The following PLCD3 variants were observed in gnomAD, a reference collection of about 807,000 sequenced individuals.
PLCD3 encodes the protein phospholipase C delta 3.
A neutral mutation model predicts 82.8 loss-of-function variants in PLCD3; 62 were observed. The observed-to-expected ratio is 0.75, with a 90% CI of 0.61 to 0.93. The LOEUF is 0.93. Among genes scored for constraint, PLCD3 ranks in the 40% least tolerant of loss-of-function variants. The pLI is 0.00. For missense variants in PLCD3, 1,023 were observed against 1,103.4 expected (o/e 0.93, Z 1.03); for synonymous variants, 478 against 471.8 (o/e 1.01, Z -0.17).
In PLCD3 at chr17:45,127,944, T is replaced by C. The variant is rs565823942; in HGVS notation, c.163+4304A>G. Among the ~76,000 whole-genome samples, 532 of 152,174 alleles carry C rather than the reference T, an allele frequency of 3.5e-3. 3 individuals carry two copies. Among genetic ancestry groups the C allele is most frequent in the Middle Eastern group, 0.01 (3 of 294 alleles). ...CAGGAATGCGAGTCATGCAGGGAACTGCTACAGCCAGCAGCTGTGGCCAAG... is the reference window on the plus strand; with the variant it reads ...CAGGAATGCGAGTCATGCAGGGAACCGCTACAGCCAGCAGCTGTGGCCAAG... On this transcript the variant is annotated intron_variant, in intron 1 of 14. Coordinates refer to ENST00000619929, the MANE Select transcript of PLCD3 (RefSeq NM_133373.5).
In PLCD3 at chr17:45,118,212, G is replaced by A. The variant is rs2054306358; in HGVS notation, c.1116-74C>T. The stretch of plus-strand genomic sequence containing the variant: ...CAGAGCAGGGCAGCAGGCAGGCTGG[G>A]CCAGGAAGGCCCCAGGAAGCCAGCC... On this transcript the variant is annotated intron_variant, in intron 6 of 14. Coordinates refer to ENST00000619929, the MANE Select transcript of PLCD3 (RefSeq NM_133373.5). This position sits in a 1 kb window ranked among gnomAD's most constrained non-coding sequence, Gnocchi z 4.1. 3.1e-6 allele frequency: 5 copies of A among 1,611,120 alleles called. No homozygotes were observed. The highest frequency in any genetic ancestry group is 1.7e-4 in the Middle Eastern group (1 of 6,028).
At chr17:45,124,073 C>G in intron 1 of PLCD3, among the ~76,000 whole-genome samples, 1 of 152,012 alleles carries the variant, frequency 6.6e-6, no homozygotes, top group Non-Finnish European at 1.5e-5. Flanking sequence ...TCCTACACCC[C>G]CTTGGCCATG....
At position 45,115,660 on chromosome 17, in the gene PLCD3, G is replaced by A. The variant is rs548045481; in HGVS notation, c.1414-170C>T. On this transcript the variant is annotated intron_variant, in intron 8 of 14. Transcript: ENST00000619929. ...AATAGGAAAGAGTGGAGAATGGCCC[G>A]GGAGGCCATCAGGAAGGGATGCTTA... The A allele has an allele frequency of 5.6e-4, 349 of 625,376 alleles. 1 individual carries two copies. Among genetic ancestry groups the A allele is most frequent in the Admixed American group, 1.8e-3 (62 of 34,924 alleles). 38.7% of individuals were successfully genotyped at this position (625,376 alleles called of 1,614,324 possible).
In PLCD3 at chr17:45,112,490, G is replaced by T; in HGVS notation, c.*126C>A. On this transcript the variant is annotated 3_prime_UTR_variant, in exon 15 of 15. Coordinates refer to ENST00000619929, the MANE Select transcript of PLCD3 (RefSeq NM_133373.5). The stretch of plus-strand genomic sequence containing the variant: ...GGTGAGACCAGCGCCTGGTGAATGG[G>T]CTGAGTGGGCCAAGTGGGTGGGCTG... The T allele has an allele frequency of 9.4e-7, 1 of 1,059,300 alleles. No individual in the cohort carries two copies. Among genetic ancestry groups the T allele is most frequent in the East Asian group, 2.6e-5 (1 of 38,584 alleles). The allele number at this position is 1,059,300 out of a possible 1,614,324, so 65.6% of individuals were successfully genotyped here. A position where few individuals can be genotyped will look rare whatever the true frequency, so the allele number is the denominator to read the frequency against.
chr17:45,119,474 A>G (rs953033786), intron 4 of PLCD3, among the ~76,000 whole-genome samples: 8 of 152,142 alleles, frequency 5.3e-5, no homozygotes, highest in African/African-American at 1.9e-4. Context: ...GGCTTCAAGC[A>G]ATCCTCCCGC....
rs372774673 is a variant in PLCD3 at position 45,118,812 on chromosome 17, C to T, written c.913+3G>A. ...CACGACCTGGCCGTGCCACCCCCCC[C>T]ACCTGTCTCGTTGAGCTCATAGGTC... On this transcript the variant is annotated splice_donor_region_variant and intron_variant, in intron 5 of 14. Transcript: ENST00000619929. The surrounding 1 kb of genome is among the most constrained non-coding windows in gnomAD (Gnocchi z 4.1). The T allele has an allele frequency of 2.5e-6, 4 of 1,598,532 alleles. No homozygotes were observed. Among genetic ancestry groups the T allele is most frequent in the African/African-American group, 1.3e-5 (1 of 74,658 alleles).
At position 45,132,325 on chromosome 17, in the gene PLCD3, G is replaced by A. The variant is rs1381714692; in HGVS notation, c.86C>T (p.Pro29Leu). 8.9e-6 allele frequency: 11 copies of A among 1,240,594 alleles called. No homozygotes were observed. The highest frequency in any genetic ancestry group is 1.1e-5 in the Non-Finnish European group (11 of 991,698). 76.8% of individuals were successfully genotyped at this position (1,240,594 alleles called of 1,614,324 possible). Residue 29 changes from proline (P) to leucine (L), a missense_variant, in exon 1 of 15, where the codon CCG becomes CTG. By Grantham distance (98) the Pro-to-Leu change is moderately conservative. Transcript: ENST00000619929. This position sits in a 1 kb window ranked among gnomAD's most constrained non-coding sequence, Gnocchi z 4.6. Reference sequence around the variant, plus strand: ...AGTCGGCGGGGACGGGAGAGCGACCGGCGCCGCGACTTGGGCTGCGACCTG... The same window carrying A: ...AGTCGGCGGGGACGGGAGAGCGACCAGCGCCGCGACTTGGGCTGCGACCTG... ...AAQVAAQVAA[P>L]VALPSPPTPS...
At chr17:45,121,935 C>A (rs185230437) in intron 1 of PLCD3, among the ~76,000 whole-genome samples, 5 of 147,546 alleles carry the variant, frequency 3.4e-5, no homozygotes, top group Non-Finnish European at 4.4e-5. Flanking sequence ...GCAGCCTAAG[C>A]GACAGAGTGA....
At chr17:45,116,132 A>T (rs962411287) in intron 8 of PLCD3, among the ~76,000 whole-genome samples, 4 of 152,218 alleles carry the variant, frequency 2.6e-5, no homozygotes, top group Non-Finnish European at 5.9e-5. Context: ...GCCCGACAGG[A>T]TAAATGTCTG....
intron 1 of PLCD3, among the ~76,000 whole-genome samples, chr17:45,124,608 G>C (rs2054367377): frequency 6.6e-6 from 1 of 152,268 alleles, no homozygotes; most frequent in Non-Finnish European, 1.5e-5. Context: ...GTCAGAGGGA[G>C]GGCTCAGGGC....
chr17:45,116,172 G>T (rs558883153), intron 8 of PLCD3, among the ~76,000 whole-genome samples: 161 of 152,352 alleles, frequency 1.1e-3, no homozygotes, highest in African/African-American at 3.5e-3. Context: ...TCTGGTGTCT[G>T]GGGGAGAGCA....
Position 45,118,276 on chromosome 17 carries a change from C to T in PLCD3, c.1115+15G>A, listed in dbSNP as rs1391585373. Reference sequence around the variant, plus strand: ...AGGTGGGGCTCCCGGAAACATTCACCCCCTGCTACAGTACCTAACATAGGC... The same window carrying T: ...AGGTGGGGCTCCCGGAAACATTCACTCCCTGCTACAGTACCTAACATAGGC... On this transcript the variant is annotated intron_variant, in intron 6 of 14. Transcript: ENST00000619929. This position sits in a 1 kb window ranked among gnomAD's most constrained non-coding sequence, Gnocchi z 4.1. The T allele has an allele frequency of 2.5e-6, 4 of 1,613,792 alleles. No homozygotes were observed. The highest frequency in any genetic ancestry group is 2.2e-5 in the East Asian group (1 of 44,898).
chr17:45,116,007 A>G (rs1391122681), intron 8 of PLCD3, among the ~76,000 whole-genome samples: 2 of 152,224 alleles, frequency 1.3e-5, no homozygotes, highest in Non-Finnish European at 1.5e-5. Flanking sequence ...TTCTTTTACC[A>G]TACGGGTGTG....
chr17:45,126,347 A>ATTT (rs398030937), intron 1 of PLCD3, among the ~76,000 whole-genome samples: 3,623 of 79,002 alleles, frequency 0.046, 678 homozygotes, highest in African/African-American at 0.17. Flanking sequence ...CGCCCAGCCT[A>ATTT]TTTTTTTTTT....
intron 1 of PLCD3, 63 bp from the exon 2 acceptor site, chr17:45,121,435 C>A: frequency 7.0e-7 from 1 of 1,426,978 alleles, no homozygotes; most frequent in South Asian, 1.5e-5. Context: ...CCTGCCCTCC[C>A]CCGCTAGGAC....
chr17:45,129,807 G>A (rs988282453), intron 1 of PLCD3, among the ~76,000 whole-genome samples: 4 of 152,234 alleles, frequency 2.6e-5, no homozygotes, highest in African/African-American at 9.6e-5. Flanking sequence ...CCCACTCACT[G>A]TGGGGGTGTT....
At chr17:45,124,473 C>T (rs568034316) in intron 1 of PLCD3, among the ~76,000 whole-genome samples, 36 of 126,598 alleles carry the variant, frequency 2.8e-4, no homozygotes, top group African/African-American at 9.3e-4. Flanking sequence ...CCAGGCGGGG[C>T]CAGGTGCTGA....
At position 45,118,908 on chromosome 17, in the gene PLCD3, C is replaced by T. The variant is rs750097722; in HGVS notation, c.820G>A (p.Glu274Lys). 1 of 1,612,728 alleles carries T rather than the reference C, an allele frequency of 6.2e-7. No homozygotes were observed. The highest frequency in any genetic ancestry group is 1.1e-5 in the South Asian group (1 of 90,994). Reference protein sequence around the residue: ...SGEDRVLSAPELLEFLEDQGE... With the variant: ...SGEDRVLSAPKLLEFLEDQGE... ...TGGTCCTCCAGGAACTCCAGCAGCT[C>T]AGGGGCACTCAGCACGCGGTCCTCG... The change falls in exon 5 of 15, where the codon GAG becomes AAG. Residue 274 changes from glutamate to lysine, a missense_variant. Physicochemically the swap from Glu to Lys is moderately conservative, Grantham distance 56. This residue lies in a region of PLCD3 where 448 missense variants were observed against 406.3 expected (regional missense o/e 1.10). Transcript: ENST00000619929. The surrounding 1 kb of genome is among the most constrained non-coding windows in gnomAD (Gnocchi z 4.1).
rs1452920493 is a variant in PLCD3, at chr17:45,121,298, G to C, written c.238C>G (p.His80Asp). The change falls in exon 2 of 15, where the codon CAC (histidine) becomes GAC (aspartate). Residue 80 changes from histidine to aspartate, a missense_variant. By Grantham distance (81) the His-to-Asp change is moderately conservative (BLOSUM62 -1). Around this residue, in one of 3 missense-constraint regions of PLCD3, gnomAD observed 448 missense variants for 406.3 expected, o/e 1.10. Coordinates refer to ENST00000619929, the MANE Select transcript of PLCD3 (RefSeq NM_133373.5). ...RLRKIRSRTWHKERLYRLQED... is the reference protein window; with the variant it reads ...RLRKIRSRTWDKERLYRLQED... ...TGCAGCCGGTACAGCCGCTCCTTGT[G>C]CCACGTGCGCGAGCGGATCTTGCGG... The C allele has an allele frequency of 6.3e-7, 1 of 1,578,492 alleles. No homozygotes were observed. The highest frequency in any genetic ancestry group is 8.5e-7 in the Non-Finnish European group (1 of 1,171,000).
Sources: gnomAD v4.1 joint callset for allele counts (sites outside exome capture counted in the v4.1 genomes callset) on GRCh38, gnomAD v4.1.1 for gene constraint, gnomAD v4.1.1 regional missense constraint, Gnocchi (gnomAD v3.1) non-coding constraint, MANE v1.5 for transcripts, NCBI Gene and HGNC (gene_info 2026-07-23, HGNC 2026-07-21) for gene names.